GSAP: variants seen among roughly 807,000 people sequenced by gnomAD.
GSAP encodes the protein gamma-secretase-activating protein.
In GSAP, 118 loss-of-function variants were observed where a neutral mutation model predicts 131.7. The ratio of observed to expected loss-of-function variants is 0.90; its 90% CI spans 0.77 to 1.04. GSAP has a LOEUF of 1.04. Ranked by LOEUF, GSAP falls within the 50% of genes least tolerant of loss-of-function variation. The pLI, the probability that GSAP is intolerant of heterozygous loss-of-function variation, is 0.00. For missense variants in GSAP, 1,019 were observed against 1,013.2 expected, an observed-to-expected ratio of 1.01 and a Z score of -0.08; for synonymous variants, 381 against 363.4, an observed-to-expected ratio of 1.05 and a Z score of -0.55.
intron 3 of GSAP, among the ~76,000 whole-genome samples, chr7:77,403,883 A>T (rs1229397236): frequency 1.3e-5 from 2 of 152,264 alleles, no homozygotes; most frequent in African/African-American, 4.8e-5. Context: ...AAGCAAAGAA[A>T]TATAATTTTT....
Position 77,416,309 on chromosome 7 carries a change from G to C in GSAP, c.13C>G (p.Leu5Val). Reference protein sequence around the residue: MALRLVADFDLGKDV... With the variant: MALRVVADFDLGKDV... ...TTCCCGAGGTCGAAGTCGGCGACCA[G>C]GCGAAGAGCCATCGCCCGGACACGA... The change falls in exon 1 of 31, where the codon CTG becomes GTG. Residue 5 changes from leucine (L) to valine (V), a missense_variant. Leu to Val is a conservative substitution (Grantham distance 32). Transcript: ENST00000257626. 6.7e-7 allele frequency: 1 copy of C among 1,494,032 alleles called. No homozygotes were observed. 92.5% of individuals were successfully genotyped at this position (1,494,032 alleles called of 1,614,324 possible). A position where few individuals can be genotyped will look rare whatever the true frequency, so the allele number is the denominator to read the frequency against.
intron 3 of GSAP, among the ~76,000 whole-genome samples, chr7:77,400,168 C>G (rs988325721): frequency 1.7e-4 from 26 of 152,174 alleles, no homozygotes; most frequent in African/African-American, 6.3e-4. Flanking sequence ...CAGCCTTCCC[C>G]CTTCTGCGAG....
chr7:77,409,293 G>A lies in GSAP; in HGVS notation c.110-3188C>T, dbSNP rs866237638. Among the ~76,000 whole-genome samples, 14 of 152,164 alleles carry A rather than the reference G, an allele frequency of 9.2e-5. 1 individual carries two copies. In the Middle Eastern group the frequency reaches 0.041, roughly 444 times the overall value. On this transcript the variant is annotated intron_variant, in intron 1 of 30. Transcript: ENST00000257626. ...GCTCAGGAGTTCAAGACCAACCTGG[G>A]CAACACAGCAAAACCCTGTCTCTTA...
At chr7:77,321,521 A>C (rs1266544783) in intron 24 of GSAP, 118 bp from the exon 25 acceptor site, 2 of 701,312 alleles carry the variant, frequency 2.9e-6, no homozygotes, top group East Asian at 2.7e-5. Flanking sequence ...GGCTGCATCC[A>C]GACACACAAC....
chr7:77,381,694 G>A lies in GSAP; in HGVS notation c.527-340C>T, dbSNP rs571918525. ...ATCAGCGTTATATAGGGCTAACAAGGGCTTACTTAGCAGAGTTTATTCTTC... is the reference window on the plus strand; with the variant it reads ...ATCAGCGTTATATAGGGCTAACAAGAGCTTACTTAGCAGAGTTTATTCTTC... On this transcript the variant is annotated intron_variant, in intron 7 of 30. Coordinates refer to ENST00000257626, the MANE Select transcript of GSAP (RefSeq NM_017439.4). Among the ~76,000 whole-genome samples the A allele has an allele frequency of 3.9e-5, 6 of 151,930 alleles. No homozygotes were observed. In the South Asian group the frequency reaches 1.2e-3, roughly 32 times the overall value.
At chr7:77,387,900 G>A (rs543119066) in intron 5 of GSAP, among the ~76,000 whole-genome samples, 1 of 152,332 alleles carries the variant, frequency 6.6e-6, no homozygotes, top group Non-Finnish European at 1.5e-5. Context: ...TGAATTCAAA[G>A]ATCACTGTAT....
chr7:77,336,031 C>A (rs1789923347), intron 19 of GSAP, among the ~76,000 whole-genome samples: 1 of 152,232 alleles, frequency 6.6e-6, no homozygotes, highest in Non-Finnish European at 1.5e-5. Context: ...GACCAGAACT[C>A]CTGAGGCTGC....
chr7:77,316,905 C>CT (rs1584211900), intron 26 of GSAP, among the ~76,000 whole-genome samples: 1 of 152,192 alleles, frequency 6.6e-6, no homozygotes, highest in East Asian at 1.9e-4. Flanking sequence ...AGCAAATGCC[C>CT]TAGCTCTAAA....
At chr7:77,324,755 C>A (rs557087956) in intron 23 of GSAP, among the ~76,000 whole-genome samples, 1 of 149,964 alleles carries the variant, frequency 6.7e-6, no homozygotes, top group South Asian at 2.1e-4. Context: ...TTAACAATTG[C>A]GTTTTTTTTT....
At chr7:77,389,952 C>A (rs1313943721) in intron 5 of GSAP, among the ~76,000 whole-genome samples, 4 of 152,144 alleles carry the variant, frequency 2.6e-5, no homozygotes, top group African/African-American at 9.7e-5. Flanking sequence ...CCTGTTGTTT[C>A]CTGACTTTTT....
At chr7:77,412,414 A>C (rs980497530) in intron 1 of GSAP, among the ~76,000 whole-genome samples, 2 of 152,198 alleles carry the variant, frequency 1.3e-5, no homozygotes, top group Non-Finnish European at 2.9e-5. Flanking sequence ...AAGCTTCCAA[A>C]AGTTAATACT....
At chr7:77,317,697 T>C (rs889285566) in intron 26 of GSAP, among the ~76,000 whole-genome samples, 4 of 152,214 alleles carry the variant, frequency 2.6e-5, no homozygotes, top group African/African-American at 4.8e-5. Context: ...GGCGTAACAA[T>C]GTCCCCAGTA....
chr7:77,416,230 G>A lies in GSAP; in HGVS notation c.92C>T (p.Ala31Val), dbSNP rs1341993356. Reference sequence around the variant, plus strand: ...TCCCGCACCTGCGCCGCCGCTTCCGGCCCCGCTGGCCTCCGACACTGCCCG... The same window carrying A: ...TCCCGCACCTGCGCCGCCGCTTCCGACCCCGCTGGCCTCCGACACTGCCCG... ...AQRAVSEASG[A>V]GSGGADVLEN... The change falls in exon 1 of 31, where the codon GCC (alanine) becomes GTC (valine). Residue 31 changes from alanine to valine, a missense_variant. Transcript: ENST00000257626. 4 of 1,470,136 alleles carry A rather than the reference G, an allele frequency of 2.7e-6. No homozygotes were observed. The highest frequency in any genetic ancestry group is 3.6e-6 in the Non-Finnish European group (4 of 1,112,000). 91.1% of individuals were successfully genotyped at this position (1,470,136 alleles called of 1,614,324 possible). A position where few individuals can be genotyped will look rare whatever the true frequency, so the allele number is the denominator to read the frequency against.
At chr7:77,372,405 G>A (rs1796263301) in intron 12 of GSAP, among the ~76,000 whole-genome samples, 2 of 152,034 alleles carry the variant, frequency 1.3e-5, no homozygotes, top group South Asian at 2.1e-4. Context: ...CACACATGAC[G>A]TTTTTCAAGA....
At position 77,406,029 on chromosome 7, in the gene GSAP, C is replaced by G. The variant is rs760893878; in HGVS notation, c.186G>C (p.Lys62Asn). 9 of 947,628 alleles carry G rather than the reference C, an allele frequency of 9.5e-6. No individual in the cohort carries two copies. In the Admixed American group the frequency reaches 1.8e-4, roughly 19 times the overall value. 58.7% of individuals were successfully genotyped at this position (947,628 alleles called of 1,614,324 possible). The change falls in exon 2 of 31, where the codon AAG becomes AAC. Residue 62 changes from lysine (K) to asparagine (N), a missense_variant and splice_region_variant. Transcript: ENST00000257626. ...ACAATAAAAAAGAATATAGACATAC[C>G]TTATAGGTATAAATAATATTTCCAT... ...ERNGNIIYTY[K>N]DDKGNVVFGL...
chr7:77,403,556 T>C (rs1255039522), intron 3 of GSAP, among the ~76,000 whole-genome samples: 1 of 149,186 alleles, frequency 6.7e-6, no homozygotes, highest in Non-Finnish European at 1.5e-5. Flanking sequence ...ACGCCTTATG[T>C]GAGTAATTTG....
At chr7:77,334,898 C>G (rs2150715482) in intron 19 of GSAP, among the ~76,000 whole-genome samples, 1 of 151,388 alleles carries the variant, frequency 6.6e-6, no homozygotes, top group South Asian at 2.1e-4. Context: ...TCCTGGCTAA[C>G]ACAGTGAAAC....
Position 77,381,306 on chromosome 7 carries a change from A to G in GSAP, c.575T>C (p.Val192Ala). 6.5e-7 allele frequency: 1 copy of G among 1,541,992 alleles called. No individual in the cohort carries two copies. The highest frequency in any genetic ancestry group is 8.8e-7 in the Non-Finnish European group (1 of 1,134,958). ...IHVAQEDGNR[V>A]VIKNSGHLPR... ...GCGAAAAGAATTTCAAATCTTTACC[A>G]CTCTATTTCCATCTTCTTGGGCGAC... Residue 192 changes from valine to alanine, a missense_variant and splice_region_variant, in exon 8 of 31, where the codon GTG (valine) becomes GCG (alanine). Physicochemically the swap from Val to Ala is moderately conservative, Grantham distance 64 (BLOSUM62 0). Transcript: ENST00000257626.
chr7:77,397,762 GGTAAAAT>G (rs1800664466), intron 3 of GSAP, among the ~76,000 whole-genome samples: 1 of 152,048 alleles, frequency 6.6e-6, no homozygotes, highest in Non-Finnish European at 1.5e-5. Context: ...TCCCCCCATT[GGTAAAAT>G]AGGAATCATA....
Sources: allele counts gnomAD v4.1 joint callset (sites outside exome capture counted in the v4.1 genomes callset), GRCh38; gene constraint gnomAD v4.1.1; transcripts MANE v1.5; gene names NCBI Gene and HGNC (gene_info 2026-07-23, HGNC 2026-07-21).